ZNF93: variants seen among roughly 807,000 people sequenced by gnomAD.
The protein encoded by ZNF93 is zinc finger protein 93, also known as zinc finger protein 505.
A neutral mutation model predicts 45.0 loss-of-function variants in ZNF93; 29 were observed. That is an observed-to-expected ratio of 0.64 (90% CI 0.48 to 0.88). The LOEUF is 0.88. Ranked by LOEUF, ZNF93 falls within the 40% of genes least tolerant of loss-of-function variation. ZNF93 has a pLI of 0.00. For missense variants in ZNF93, 578 were observed against 724.0 expected, an observed-to-expected ratio of 0.80 and a Z score of 2.31; for synonymous variants, 223 against 244.6, an observed-to-expected ratio of 0.91 and a Z score of 0.82.
In ZNF93 at chr19:19,933,259, A is replaced by T; in HGVS notation, c.304A>T (p.Arg102Ter). The change falls in exon 4 of 4, where the codon AGA (arginine) becomes TGA (stop). Residue 102 changes from arginine to a stop codon, truncating the protein, a stop_gained. Coordinates refer to ENST00000343769, the MANE Select transcript of ZNF93 (RefSeq NM_031218.4). LOFTEE classifies it high-confidence loss of function. ...TTCTTTCCAAAAAGTGATACTGAGA[A>T]GATATGAAAAACGTGGACATGGAAA... ...KDSFQKVILRRYEKRGHGNLQ... is the reference protein window; with the variant it reads ...KDSFQKVILR 6.2e-7 allele frequency: 1 copy of T among 1,611,588 alleles called. No individual in the cohort carries two copies. Among genetic ancestry groups the T allele is most frequent in the Non-Finnish European group, 8.5e-7 (1 of 1,178,814 alleles).
intron 3 of ZNF93, among the ~76,000 whole-genome samples, chr19:19,930,200 CAG>C (rs202035042): frequency 0.18 from 27,077 of 151,076 alleles, 4,870 homozygotes; most frequent in African/African-American, 0.46. Context: ...GCAGCCAAGG[CAG>C]AGAGAGAGAG....
chr19:19,907,904 A>G (rs1225649452), intron 1 of ZNF93: 1 of 152,240 alleles, frequency 6.6e-6, no homozygotes, highest in African/African-American at 2.4e-5. Context: ...TGGTTATTTT[A>G]ATATTGTTAT....
intron 1 of ZNF93, among the ~76,000 whole-genome samples, chr19:19,902,056 C>A (rs554818656): frequency 5.6e-4 from 85 of 152,188 alleles, no homozygotes; most frequent in African/African-American, 1.8e-3. Context: ...CCATTGTACT[C>A]CAGCCTTGGT....
rs1157715759 is a variant in ZNF93, at chr19:19,933,347, A to G, written c.392A>G (p.Asn131Ser). Residue 131 changes from asparagine (N) to serine (S), a missense_variant, in exon 4 of 4, where the codon AAT (asparagine) becomes AGT (serine). This residue lies in a region of ZNF93 where 446 missense variants were observed against 547.6 expected (regional missense o/e 0.81). Coordinates refer to ENST00000343769, the MANE Select transcript of ZNF93 (RefSeq NM_031218.4). ...DECKVHTGGY[N>S]GLNQCSTTTQ... ...TGTAAGGTGCACACAGGAGGTTATAATGGACTTAACCAGTGTAGTACAACT... is the reference window on the plus strand; with the variant it reads ...TGTAAGGTGCACACAGGAGGTTATAGTGGACTTAACCAGTGTAGTACAACT... The G allele has an allele frequency of 6.2e-7, 1 of 1,610,732 alleles. No individual in the cohort carries two copies.
intron 3 of ZNF93, among the ~76,000 whole-genome samples, chr19:19,922,731 A>T (rs2063345410): frequency 6.6e-6 from 1 of 152,216 alleles, no homozygotes; most frequent in African/African-American, 2.4e-5. Flanking sequence ...TGATCAAATC[A>T]GCTACTGATG....
chr19:19,930,145 C>T (rs896124796), intron 3 of ZNF93, among the ~76,000 whole-genome samples: 1 of 151,982 alleles, frequency 6.6e-6, no homozygotes, highest in Admixed American at 6.5e-5. Context: ...TAGGTAAGGT[C>T]ACGTGGGTCA....
At position 19,934,457 on chromosome 19, in the gene ZNF93, A is replaced by T. The variant is rs879220143; in HGVS notation, c.1502A>T (p.Lys501Ile). The change falls in exon 4 of 4, where the codon AAA becomes ATA. Residue 501 changes from lysine to isoleucine, a missense_variant. Physicochemically the swap from Lys to Ile is moderately radical, Grantham distance 102. Coordinates refer to ENST00000343769, the MANE Select transcript of ZNF93 (RefSeq NM_031218.4). ...NQSSSLTKHK[K>I]IHTGEKPYKC... is the part of the protein sequence containing the mutation. ...TCCTCTTCCCTTACTAAACATAAGAAAATTCATACTGGAGAGAAACCCTAC... is the reference window on the plus strand; with the variant it reads ...TCCTCTTCCCTTACTAAACATAAGATAATTCATACTGGAGAGAAACCCTAC... 6.2e-7 allele frequency: 1 copy of T among 1,606,618 alleles called. No individual in the cohort carries two copies. The highest frequency in any genetic ancestry group is 8.5e-7 in the Non-Finnish European group (1 of 1,177,930).
intron 3 of ZNF93, among the ~76,000 whole-genome samples, chr19:19,919,617 CTT>C (rs1469583083): frequency 1.3e-5 from 2 of 152,176 alleles, no homozygotes; most frequent in Non-Finnish European, 2.9e-5. Context: ...TTTGTATCCT[CTT>C]TTATTTTGTT....
In ZNF93 at chr19:19,934,164, C is replaced by G. The variant is rs770564747; in HGVS notation, c.1209C>G (p.Gly403=). The change falls in exon 4 of 4, where the codon GGC becomes GGG. Residue 403 remains glycine (G), a synonymous_variant. Transcript: ENST00000343769. ...AGCCCTACAAATGTGAAGAATGTGGCAAAGCCTTTAAGTACTCCTCTACCC... is the reference window on the plus strand; with the variant it reads ...AGCCCTACAAATGTGAAGAATGTGGGAAAGCCTTTAAGTACTCCTCTACCC... ...GEKPYKCEEC[G]KAFKYSSTLS... The G allele has an allele frequency of 7.4e-6, 12 of 1,611,844 alleles. No individual in the cohort carries two copies. Among genetic ancestry groups the G allele is most frequent in the Non-Finnish European group, 1.0e-5 (12 of 1,179,904 alleles).
chr19:19,902,038 A>G (rs942954168), intron 1 of ZNF93, among the ~76,000 whole-genome samples: 3 of 152,188 alleles, frequency 2.0e-5, no homozygotes, highest in African/African-American at 7.2e-5. Flanking sequence ...CAGTGAGCCG[A>G]GAGCTTGCCA....
Position 19,934,865 on chromosome 19 carries a change from C to G in ZNF93, c.*47C>G. 6.5e-7 allele frequency: 1 copy of G among 1,545,270 alleles called. No individual in the cohort carries two copies. Among genetic ancestry groups the G allele is most frequent in the Non-Finnish European group, 8.7e-7 (1 of 1,143,996 alleles). ...GCCTTCAAGTGGTCCTCACACCTTA[C>G]TATACACTGAGAGTTCTGAACTTAC... On this transcript the variant is annotated 3_prime_UTR_variant, in exon 4 of 4. Coordinates refer to ENST00000343769, the MANE Select transcript of ZNF93 (RefSeq NM_031218.4).
At chr19:19,927,912 T>C (rs2122191094) in intron 3 of ZNF93, among the ~76,000 whole-genome samples, 1 of 152,308 alleles carries the variant, frequency 6.6e-6, no homozygotes, top group South Asian at 2.1e-4. Flanking sequence ...ATCGCCAAGC[T>C]AATTTTTATA....
At chr19:19,922,278 C>G (rs1427550050) in intron 3 of ZNF93, among the ~76,000 whole-genome samples, 1 of 152,222 alleles carries the variant, frequency 6.6e-6, no homozygotes, top group Non-Finnish European at 1.5e-5. Context: ...GGCCCCCACT[C>G]TCTTCTGGCT....
At chr19:19,918,860 T>A (rs1309491294) in intron 3 of ZNF93, among the ~76,000 whole-genome samples, 2 of 152,176 alleles carry the variant, frequency 1.3e-5, no homozygotes, top group Admixed American at 6.5e-5. Flanking sequence ...TAGCCCTTTG[T>A]CAGATGAGTA....
At chr19:19,923,572 G>A (rs552827994) in intron 3 of ZNF93, among the ~76,000 whole-genome samples, 11 of 152,282 alleles carry the variant, frequency 7.2e-5, no homozygotes, top group Admixed American at 3.9e-4. Context: ...CACGCAGTTC[G>A]AGCTTCCTGG....
At chr19:19,923,206 C>T (rs1599571276) in intron 3 of ZNF93, among the ~76,000 whole-genome samples, 1 of 152,300 alleles carries the variant, frequency 6.6e-6, no homozygotes, top group East Asian at 1.9e-4. Flanking sequence ...CCACTCCAGA[C>T]CCTGTTTGCC....
Position 19,934,618 on chromosome 19 carries a change from C to T in ZNF93, c.1663C>T (p.His555Tyr), listed in dbSNP as rs764225763. 5.6e-6 allele frequency: 9 copies of T among 1,613,772 alleles called. No individual in the cohort carries two copies. In the African/African-American group the frequency reaches 9.3e-5, roughly 17 times the overall value. ...AFHLSTHLTTHKILHTGEKPY... is the reference protein window; with the variant it reads ...AFHLSTHLTTYKILHTGEKPY... ...TCACCTATCCACACACCTTACTACA[C>T]ATAAGATACTTCATACTGGAGAGAA... Residue 555 changes from histidine (H) to tyrosine (Y), a missense_variant, in exon 4 of 4, where the codon CAT becomes TAT. Coordinates refer to ENST00000343769, the MANE Select transcript of ZNF93 (RefSeq NM_031218.4).
intron 3 of ZNF93, among the ~76,000 whole-genome samples, chr19:19,927,969 A>C (rs1315982964): frequency 1.3e-5 from 2 of 152,192 alleles, no homozygotes; most frequent in Non-Finnish European, 2.9e-5. Context: ...GCTAGTCTCG[A>C]ACTTCTGACC....
chr19:19,934,608 C>T lies in ZNF93; in HGVS notation c.1653C>T (p.His551=). 6.2e-7 allele frequency: 1 copy of T among 1,613,876 alleles called. No homozygotes were observed. The highest frequency in any genetic ancestry group is 8.5e-7 in the Non-Finnish European group (1 of 1,179,978). The stretch of plus-strand genomic sequence containing the variant: ...GCAAAGCTTTTCACCTATCCACACA[C>T]CTTACTACACATAAGATACTTCATA... ...ECGKAFHLST[H]LTTHKILHTG... The change falls in exon 4 of 4, where the codon CAC becomes CAT. Residue 551 remains histidine, a synonymous_variant. Transcript: ENST00000343769.
Sources: gnomAD v4.1 joint callset for allele counts (sites outside exome capture counted in the v4.1 genomes callset) on GRCh38, gnomAD v4.1.1 for gene constraint, gnomAD v4.1.1 regional missense constraint, MANE v1.5 for transcripts, NCBI Gene and HGNC (gene_info 2026-07-23, HGNC 2026-07-21) for gene names.